GLIS3: variants seen among roughly 807,000 people sequenced by gnomAD.
GLIS3 encodes the protein GLIS family zinc finger 3, also known as zinc finger protein GLIS3.
Under a neutral mutation model 78.6 loss-of-function variants are expected in GLIS3, and 53 were observed. The ratio of observed to expected loss-of-function variants is 0.67; its 90% CI spans 0.54 to 0.85. The LOEUF is 0.85. Among genes scored for constraint, GLIS3 ranks in the 40% least tolerant of loss-of-function variants. GLIS3 has a pLI of 0.00. For missense variants in GLIS3, 1,703 were observed against 1,231.1 expected (o/e 1.38, Z -5.74); for synonymous variants, 684 against 509.9 (o/e 1.34, Z -4.60).
At chr9:4,195,010 C>T (rs1006214215) in intron 2 of GLIS3, among the ~76,000 whole-genome samples, 1 of 152,224 alleles carries the variant, frequency 6.6e-6, no homozygotes, top group African/African-American at 2.4e-5. Flanking sequence ...GCAGTGCCTT[C>T]TCTAGAGCAG....
intron 4 of GLIS3, among the ~76,000 whole-genome samples, chr9:4,032,555 G>A (rs557546531): frequency 5.3e-5 from 8 of 152,048 alleles, no homozygotes; most frequent in African/African-American, 1.4e-4. Flanking sequence ...AACTGAAGGC[G>A]TAGAGCTATA....
the GLIS3 span, among the ~76,000 whole-genome samples, chr9:4,464,116 T>G: frequency 6.6e-6 from 1 of 152,110 alleles, no homozygotes; most frequent in African/African-American, 2.4e-5. Context: ...AATCACTCCC[T>G]TTTCATTTCT....
At chr9:4,003,573 C>T (rs1426858730) in intron 4 of GLIS3, among the ~76,000 whole-genome samples, 1 of 152,178 alleles carries the variant, frequency 6.6e-6, no homozygotes, top group East Asian at 1.9e-4. Context: ...TTCCAAGCTT[C>T]CAACGATTCC....
chr9:4,453,396 C>G, the GLIS3 span, among the ~76,000 whole-genome samples: 2 of 149,788 alleles, frequency 1.3e-5, no homozygotes, highest in Admixed American at 6.7e-5. Context: ...AACAGGCTAC[C>G]TACAGAATGG....
At chr9:4,488,359 A>C in the GLIS3 span, among the ~76,000 whole-genome samples, 1 of 152,150 alleles carries the variant, frequency 6.6e-6, no homozygotes, top group Non-Finnish European at 1.5e-5. Context: ...GTGCCATCCC[A>C]TGCTGTTAAA....
chr9:3,833,357 A>T (rs975684072), intron 9 of GLIS3, among the ~76,000 whole-genome samples: 1 of 152,320 alleles, frequency 6.6e-6, no homozygotes, highest in African/African-American at 2.4e-5. Flanking sequence ...AACACTTTTT[A>T]AAAAATTCCG....
At chr9:4,309,410 G>C (rs1159523851) in intron 3 of GLIS3, among the ~76,000 whole-genome samples, 1 of 152,150 alleles carries the variant, frequency 6.6e-6, no homozygotes, top group South Asian at 2.1e-4. Context: ...AGTGGTTGGG[G>C]CGGGGGGAGC....
chr9:4,028,946 A>C (rs1381162515), intron 4 of GLIS3, among the ~76,000 whole-genome samples: 2 of 152,172 alleles, frequency 1.3e-5, no homozygotes, highest in Non-Finnish European at 1.5e-5. Context: ...AATCTTACAC[A>C]TTCAGGTGGT....
intron 6 of GLIS3, chr9:3,901,062 T>G (rs1400079600): frequency 6.6e-6 from 1 of 152,424 alleles, no homozygotes; most frequent in East Asian, 1.9e-4. Flanking sequence ...CCATGTGAAC[T>G]CCCTCCACCT....
At position 3,956,347 on chromosome 9, in the gene GLIS3, C is replaced by T. The variant is rs546762775; in HGVS notation, c.1711-19158G>A. Among the ~76,000 whole-genome samples the T allele has an allele frequency of 5.4e-4, 82 of 152,300 alleles. 1 individual carries two copies. The highest frequency in any genetic ancestry group is 7.5e-4 in the Non-Finnish European group (51 of 68,026). On this transcript the variant is annotated intron_variant, in intron 4 of 10. Coordinates refer to ENST00000381971, the MANE Select transcript of GLIS3 (RefSeq NM_001042413.2). The stretch of plus-strand genomic sequence containing the variant: ...TGGCTATTAAAATGTTACAACCAAC[C>T]GCCATGAGTTTGAGACTATAGATGG...
intron 2 of GLIS3, among the ~76,000 whole-genome samples, chr9:4,328,490 G>T (rs569473160): frequency 3.3e-5 from 5 of 152,202 alleles, no homozygotes; most frequent in South Asian, 4.1e-4. Flanking sequence ...GGTAAAATGT[G>T]GCTCTGCCCT....
intron 4 of GLIS3, among the ~76,000 whole-genome samples, chr9:4,105,897 G>T (rs1284628092): frequency 1.3e-5 from 2 of 152,138 alleles, no homozygotes; most frequent in African/African-American, 2.4e-5. Flanking sequence ...AGAAGTTAGA[G>T]TCCTCACCAG....
chr9:4,096,724 G>C (rs1316772290), intron 4 of GLIS3, among the ~76,000 whole-genome samples: 1 of 152,098 alleles, frequency 6.6e-6, no homozygotes, highest in Non-Finnish European at 1.5e-5. Flanking sequence ...TAAACTAAAG[G>C]AGGTTGGCCA....
chr9:4,272,619 C>T (rs146577456), intron 2 of GLIS3, among the ~76,000 whole-genome samples: 1 of 152,110 alleles, frequency 6.6e-6, no homozygotes, highest in Non-Finnish European at 1.5e-5. Context: ...TAAAATGCTA[C>T]ATAATTGCTA....
chr9:4,470,945 T>A, the GLIS3 span, among the ~76,000 whole-genome samples: 1 of 151,962 alleles, frequency 6.6e-6, no homozygotes, highest in Non-Finnish European at 1.5e-5. Flanking sequence ...ATCACAAGCA[T>A]TCTTATACAC....
chr9:4,303,533 C>G (rs1817148646), upstream of GLIS3, among the ~76,000 whole-genome samples: 1 of 152,176 alleles, frequency 6.6e-6, no homozygotes, highest in South Asian at 2.1e-4. Context: ...GGCTCACATA[C>G]ATGTCAGTGA....
chr9:4,218,203 T>C (rs1339698999), intron 2 of GLIS3, among the ~76,000 whole-genome samples: 1 of 152,256 alleles, frequency 6.6e-6, no homozygotes, highest in Non-Finnish European at 1.5e-5. Flanking sequence ...TCTTTGATGA[T>C]ATTTAACAAA....
upstream of GLIS3, among the ~76,000 whole-genome samples, chr9:4,350,810 T>C (rs373902509): frequency 2.9e-5 from 4 of 137,812 alleles, no homozygotes; most frequent in African/African-American, 1.1e-4. Flanking sequence ...TTTTGTTTTG[T>C]TTTTGTTTTT....
intron 2 of GLIS3, among the ~76,000 whole-genome samples, chr9:4,244,804 G>C (rs1413658716): frequency 6.6e-6 from 1 of 152,054 alleles, no homozygotes; most frequent in Non-Finnish European, 1.5e-5. Flanking sequence ...TCGAACTCCT[G>C]GCCTTAGGTG....
Sources: gnomAD v4.1 joint callset for allele counts (sites outside exome capture counted in the v4.1 genomes callset) on GRCh38, gnomAD v4.1.1 for gene constraint, MANE v1.5 for transcripts, NCBI Gene and HGNC (gene_info 2026-07-23, HGNC 2026-07-21) for gene names.